The following NDUFAF7 variants were observed in gnomAD, a reference collection of about 807,000 sequenced individuals.
NDUFAF7 encodes the protein protein arginine methyltransferase NDUFAF7, mitochondrial.
Under a neutral mutation model 47.2 loss-of-function variants are expected in NDUFAF7, and 48 were observed. That is an observed-to-expected ratio of 1.02 (90% CI 0.81 to 1.29). NDUFAF7 has a LOEUF of 1.29. Among genes scored for constraint, NDUFAF7 ranks in the 50% most tolerant of loss-of-function variants. NDUFAF7 has a pLI of 0.00. For missense variants in NDUFAF7, 635 were observed against 537.6 expected, an observed-to-expected ratio of 1.18 and a Z score of -1.79; for synonymous variants, 217 against 190.0, an observed-to-expected ratio of 1.14 and a Z score of -1.17.
chr2:37,262,629 G>C, the NDUFAF7 span, among the ~76,000 whole-genome samples: 6 of 152,104 alleles, frequency 3.9e-5, no homozygotes, highest in African/African-American at 9.7e-5. Flanking sequence ...TATCAACAGA[G>C]GTTGAAATGT....
chr2:37,239,982 G>A (rs1666189990), intron 4 of NDUFAF7, among the ~76,000 whole-genome samples: 1 of 152,114 alleles, frequency 6.6e-6, no homozygotes, highest in Non-Finnish European at 1.5e-5. Flanking sequence ...GTTTCTATCA[G>A]TCTACGTACT....
At position 37,232,219 on chromosome 2, in the gene NDUFAF7, A is replaced by C. The variant is rs571393341; in HGVS notation, c.169A>C (p.Ile57Leu). The change falls in exon 2 of 10, where the codon ATC (isoleucine) becomes CTC (leucine). Residue 57 changes from isoleucine to leucine, a missense_variant. Coordinates refer to ENST00000002125, the MANE Select transcript of NDUFAF7 (RefSeq NM_144736.5). ...LMYKIKSTGP[I>L]TVAEYMKEVL... ...GTACAAAATAAAGTCTACTGGTCCC[A>C]TCACTGTGGCCGAGTACATGAAGGA... 1 of 1,613,870 alleles carries C rather than the reference A, an allele frequency of 6.2e-7. No homozygotes were observed. The highest frequency in any genetic ancestry group is 1.3e-5 in the African/African-American group (1 of 75,046).
Position 37,237,837 on chromosome 2 carries a change from T to C in NDUFAF7, c.378T>C (p.Gly126=), listed in dbSNP as rs938391514. ...TCCAGCTGGTGGAACTGGGCCCAGG[T>C]AGGGGAACCCTCGTGGGAGATATTT... ...TAFQLVELGP[G]RGTLVGDILR... Residue 126 remains glycine, a synonymous_variant, in exon 4 of 10, where the codon GGT becomes GGC. Transcript: ENST00000002125. The C allele has an allele frequency of 2.5e-6, 4 of 1,612,250 alleles. No homozygotes were observed. The African/African-American group carries it at 4.0e-5, about 16-fold the overall frequency.
chr2:37,265,179 C>A, the NDUFAF7 span, among the ~76,000 whole-genome samples: 1 of 151,960 alleles, frequency 6.6e-6, no homozygotes, highest in African/African-American at 2.4e-5. Flanking sequence ...AAGAATGACA[C>A]GGGGCAAAGA....
At chr2:37,247,191 A>G in intron 8 of NDUFAF7, 1 of 483,698 alleles carries the variant, frequency 2.1e-6, no homozygotes, top group South Asian at 2.3e-5. Flanking sequence ...GCCTCCAGCT[A>G]TGTCTACGTT....
downstream of NDUFAF7, chr2:37,256,897 G>T: frequency 6.2e-7 from 1 of 1,614,012 alleles, no homozygotes. Flanking sequence ...TTTCACCAAT[G>T]ATGCGTGCAA....
the NDUFAF7 span, chr2:37,269,140 T>C: frequency 5.8e-6 from 1 of 172,056 alleles, no homozygotes; most frequent in Admixed American, 5.6e-5. Flanking sequence ...CAGTTGAAGA[T>C]GCTAACGCAC....
chr2:37,233,014 C>T (rs983893168), intron 2 of NDUFAF7, among the ~76,000 whole-genome samples: 2 of 152,154 alleles, frequency 1.3e-5, no homozygotes, highest in Non-Finnish European at 2.9e-5. Context: ...CGGTATCTTT[C>T]TTTCGATGCC....
chr2:37,256,587 T>G, downstream of NDUFAF7: 1 of 1,412,154 alleles, frequency 7.1e-7, no homozygotes, highest in Non-Finnish European at 9.3e-7. Flanking sequence ...CAGACTGATT[T>G]GGGATGAGAA....
downstream of NDUFAF7, among the ~76,000 whole-genome samples, chr2:37,255,350 T>C (rs1667851060): frequency 6.6e-6 from 1 of 152,200 alleles, no homozygotes; most frequent in Non-Finnish European, 1.5e-5. Context: ...GCTGGTTAAA[T>C]CCAGATGGGG....
downstream of NDUFAF7, chr2:37,251,506 T>G (rs1363188770): frequency 6.6e-6 from 1 of 152,464 alleles, no homozygotes; most frequent in South Asian, 2.1e-4. Flanking sequence ...AACACAGGAG[T>G]ACTGCATACT....
Position 37,246,057 on chromosome 2 carries a change from C to G in NDUFAF7, c.798C>G (p.Asp266Glu). The G allele has an allele frequency of 6.2e-7, 1 of 1,613,684 alleles. No homozygotes were observed. The highest frequency in any genetic ancestry group is 8.5e-7 in the Non-Finnish European group (1 of 1,179,758). The part of the protein sequence containing the change: ...ATPAEAFIQH[D>E]ETRDHVEVCP... ...TGCAATGATCCCTTTACTAGCATGA[C>G]GAAACAAGGGATCATGTTGAAGTGT... Residue 266 changes from aspartate (D) to glutamate (E), a missense_variant, in exon 8 of 10, where the codon GAC (aspartate) becomes GAG (glutamate). Asp to Glu is a conservative substitution (Grantham distance 45, BLOSUM62 2). Coordinates refer to ENST00000002125, the MANE Select transcript of NDUFAF7 (RefSeq NM_144736.5).
intron 7 of NDUFAF7, among the ~76,000 whole-genome samples, chr2:37,245,484 C>T (rs763534606): frequency 6.6e-5 from 10 of 152,142 alleles, no homozygotes; most frequent in Non-Finnish European, 1.5e-4. Flanking sequence ...GGGGTAATAA[C>T]GGTTTCAATA....
intron 5 of NDUFAF7, 39 bp downstream of exon 5, chr2:37,241,830 C>T (rs887582057): frequency 6.4e-7 from 1 of 1,556,668 alleles, no homozygotes; most frequent in African/African-American, 1.4e-5. Flanking sequence ...GAATTTTGAT[C>T]ACAACCCTCA....
downstream of NDUFAF7, among the ~76,000 whole-genome samples, chr2:37,257,425 G>A (rs932639831): frequency 7.2e-5 from 11 of 152,114 alleles, no homozygotes; most frequent in Non-Finnish European, 1.6e-4. Flanking sequence ...CAGCACTTTG[G>A]GAGGCCGAGG....
intron 6 of NDUFAF7, 65 bp downstream of exon 6, chr2:37,242,758 T>A: frequency 1.6e-6 from 2 of 1,246,332 alleles, no homozygotes; most frequent in Non-Finnish European, 2.3e-6. Flanking sequence ...TGCCAATGTT[T>A]ATGGTATTTA....
At chr2:37,267,108 A>T in the NDUFAF7 span, among the ~76,000 whole-genome samples, 48 of 152,354 alleles carry the variant, frequency 3.2e-4, no homozygotes, top group African/African-American at 1.1e-3. Flanking sequence ...TTACTTGCAC[A>T]GTAATTGCTA....
intron 8 of NDUFAF7, among the ~76,000 whole-genome samples, chr2:37,246,812 C>T (rs1366357756): frequency 6.6e-6 from 1 of 152,166 alleles, no homozygotes; most frequent in Non-Finnish European, 1.5e-5. Context: ...ATTCTCTAGC[C>T]TTACCTCCAG....
chr2:37,247,351 G>C, intron 8 of NDUFAF7, 105 bp from the exon 9 acceptor site: 1 of 1,353,494 alleles, frequency 7.4e-7, no homozygotes, highest in South Asian at 1.2e-5. Context: ...GCTCTATTCC[G>C]TCACCTCAAG....
Sources: gnomAD v4.1 joint callset for allele counts (sites outside exome capture counted in the v4.1 genomes callset) on GRCh38, gnomAD v4.1.1 for gene constraint, MANE v1.5 for transcripts, NCBI Gene and HGNC (gene_info 2026-07-23, HGNC 2026-07-21) for gene names.